Variants in RANBP2 observed in about 807,000 individuals in gnomAD.
RANBP2 encodes the protein RAN binding protein 2.
A neutral mutation model predicts 303.6 loss-of-function variants in RANBP2; 57 were observed. That is an observed-to-expected ratio of 0.19 (90% confidence interval 0.15 to 0.23). The LOEUF is 0.23. Ranked by LOEUF, RANBP2 falls within the 10% of genes least tolerant of loss-of-function variation. The probability of loss-of-function intolerance (pLI) is 1.00; values close to 1 mark genes in which losing one functional copy is unlikely to be tolerated. For missense variants in RANBP2, 3,138 were observed against 3,780.8 expected (o/e 0.83, Z 4.46); for synonymous variants, 1,167 against 1,301.5 (o/e 0.90, Z 2.23).
chr2:108,733,847 A>AT (rs71381983), intron 4 of RANBP2, among the ~76,000 whole-genome samples: 12,028 of 146,152 alleles, frequency 0.082, 442 homozygotes, highest in Middle Eastern at 0.16. Context: ...CCTGTATCAG[A>AT]TTTTTTTTTT....
At chr2:108,950,947 G>A in the RANBP2 span, among the ~76,000 whole-genome samples, 3 of 152,212 alleles carry the variant, frequency 2.0e-5, no homozygotes, top group Non-Finnish European at 4.4e-5. Flanking sequence ...TCACCCAAGG[G>A]CAGCTGCCAG....
chr2:109,097,515 C>T, the RANBP2 span, among the ~76,000 whole-genome samples: 10 of 151,814 alleles, frequency 6.6e-5, no homozygotes, highest in African/African-American at 1.7e-4. Context: ...GCTTGCCTTT[C>T]GTATTTAGAA....
the RANBP2 span, among the ~76,000 whole-genome samples, chr2:108,834,638 A>G: frequency 2.0e-5 from 3 of 152,242 alleles, no homozygotes; most frequent in African/African-American, 7.2e-5. Context: ...CCATTTATAA[A>G]TGTACAATTT....
chr2:109,656,223 C>A, the RANBP2 span, among the ~76,000 whole-genome samples: 1 of 152,222 alleles, frequency 6.6e-6, no homozygotes, highest in Non-Finnish European at 1.5e-5. Flanking sequence ...GAGAGCCTCT[C>A]TGAGATGAGG....
chr2:109,347,529 A>T, the RANBP2 span: 1 of 1,113,168 alleles, frequency 9.0e-7, no homozygotes, highest in Non-Finnish European at 1.3e-6. Flanking sequence ...CTGTTTCTTT[A>T]AAATATTTTC....
chr2:109,079,278 T>C, the RANBP2 span, among the ~76,000 whole-genome samples: 3 of 152,198 alleles, frequency 2.0e-5, no homozygotes, highest in Non-Finnish European at 4.4e-5. Flanking sequence ...AATATTTTCT[T>C]TTCCCTAACT....
At chr2:109,714,529 T>G in the RANBP2 span, among the ~76,000 whole-genome samples, 13 of 152,160 alleles carry the variant, frequency 8.5e-5, no homozygotes, top group African/African-American at 3.1e-4. Flanking sequence ...CTTGTTCTCT[T>G]GACCTCGTAA....
chr2:109,426,051 C>T, the RANBP2 span, among the ~76,000 whole-genome samples: 3 of 152,182 alleles, frequency 2.0e-5, no homozygotes, highest in Non-Finnish European at 4.4e-5. Context: ...GCGCATGCCA[C>T]CACGCCCAGC....
At chr2:109,089,850 A>G in the RANBP2 span, among the ~76,000 whole-genome samples, 5 of 152,280 alleles carry the variant, frequency 3.3e-5, no homozygotes, top group South Asian at 1.0e-3. Flanking sequence ...ATGTTTATCC[A>G]AAAGAACTGT....
At chr2:109,088,929 GC>G in the RANBP2 span, among the ~76,000 whole-genome samples, 463 of 152,310 alleles carry the variant, frequency 3.0e-3, 1 homozygote, top group African/African-American at 0.01. Context: ...GGAGAGTTGA[GC>G]CCCAAACAAA....
chr2:109,470,040 G>A, the RANBP2 span, among the ~76,000 whole-genome samples: 2 of 152,258 alleles, frequency 1.3e-5, no homozygotes, highest in East Asian at 1.9e-4. Context: ...CGTGCGTCCT[G>A]TCTGAGGGTT....
the RANBP2 span, chr2:108,894,457 C>G: frequency 6.6e-6 from 1 of 152,088 alleles, no homozygotes; most frequent in Admixed American, 6.6e-5. Flanking sequence ...GCTCACATTA[C>G]GGTAGTCTAT....
chr2:108,749,632 C>T (rs1011461407), intron 9 of RANBP2, among the ~76,000 whole-genome samples: 2 of 152,096 alleles, frequency 1.3e-5, no homozygotes, highest in African/African-American at 2.4e-5. Context: ...CGCTGTGTCA[C>T]CTGGGCTGGA....
the RANBP2 span, among the ~76,000 whole-genome samples, chr2:109,410,174 C>T: frequency 3.3e-5 from 5 of 152,330 alleles, no homozygotes; most frequent in African/African-American, 4.8e-5. Flanking sequence ...CGGGGAACCG[C>T]GGCCACAGCA....
At chr2:109,525,972 T>C in the RANBP2 span, among the ~76,000 whole-genome samples, 2 of 152,148 alleles carry the variant, frequency 1.3e-5, no homozygotes, top group African/African-American at 4.8e-5. Flanking sequence ...TGCAGCCCAC[T>C]GTGGCCCAGT....
At chr2:108,734,729 G>A (rs1348116974) in intron 4 of RANBP2, among the ~76,000 whole-genome samples, 1 of 151,762 alleles carries the variant, frequency 6.6e-6, no homozygotes, top group East Asian at 1.9e-4. Flanking sequence ...TAACAAGGGT[G>A]GTATGGTGGT....
chr2:108,988,992 G>A, the RANBP2 span: 1 of 152,264 alleles, frequency 6.6e-6, no homozygotes, highest in African/African-American at 2.4e-5. Context: ...TTCAGTCCCA[G>A]CAGAAGATGG....
the RANBP2 span, among the ~76,000 whole-genome samples, chr2:109,206,645 CA>C: frequency 2.0e-5 from 3 of 149,788 alleles, no homozygotes; most frequent in South Asian, 2.1e-4. Flanking sequence ...CCTGTCTCTA[CA>C]AAAAAAAAAT....
chr2:109,764,126 G>A, the RANBP2 span, among the ~76,000 whole-genome samples: 1 of 149,582 alleles, frequency 6.7e-6, no homozygotes, highest in African/African-American at 2.5e-5. Flanking sequence ...AGTTGAAAAG[G>A]ATGGCCCTAA....
Sources: allele counts gnomAD v4.1 joint callset (sites outside exome capture counted in the v4.1 genomes callset), GRCh38; gene constraint gnomAD v4.1.1; transcripts MANE v1.5; gene names NCBI Gene and HGNC (gene_info 2026-07-23, HGNC 2026-07-21).